The following CTNNA2 variants were observed in gnomAD, a reference collection of about 807,000 sequenced individuals.
CTNNA2 encodes the protein catenin alpha-2.
Under a neutral mutation model 101.0 loss-of-function variants are expected in CTNNA2, and 42 were observed. The ratio of observed to expected loss-of-function variants is 0.42; its 90% CI spans 0.32 to 0.54. The LOEUF (loss-of-function observed/expected upper bound fraction) is 0.54, where lower values mean the gene tolerates loss of function less well. Among genes scored for constraint, CTNNA2 ranks in the 20% least tolerant of loss-of-function variants. CTNNA2 has a pLI of 0.14. For synonymous variants in CTNNA2, 450 were observed against 456.4 expected (o/e 0.99, Z 0.18); for missense variants, 871 against 1,223.1 (o/e 0.71, Z 4.29).
chr2:79,621,268 A>G (rs1236538372), intron 1 of CTNNA2, among the ~76,000 whole-genome samples: 3 of 152,156 alleles, frequency 2.0e-5, no homozygotes, highest in African/African-American at 7.2e-5. Flanking sequence ...GAGCACCTCT[A>G]GCATCCAGAA....
At chr2:79,264,763 G>A (rs1674968604) in intron 2 of CTNNA2, among the ~76,000 whole-genome samples, 1 of 151,238 alleles carries the variant, frequency 6.6e-6, no homozygotes, top group South Asian at 2.1e-4. Context: ...AATATGTTGT[G>A]TTCTATAGTC....
At chr2:79,205,857 A>G (rs1440672822) in intron 2 of CTNNA2, among the ~76,000 whole-genome samples, 1 of 152,226 alleles carries the variant, frequency 6.6e-6, no homozygotes, top group Admixed American at 6.5e-5. Context: ...AATCATTTGA[A>G]GATGAAAACT....
At position 79,923,424 on chromosome 2, in the gene CTNNA2, A is replaced by G. The variant is rs1190530290; in HGVS notation, c.1056+13627A>G. Among the ~76,000 whole-genome samples, 3 of 151,724 alleles carry G rather than the reference A, an allele frequency of 2.0e-5. No homozygotes were observed. The East Asian group carries it at 5.8e-4, about 29-fold the overall frequency. On this transcript the variant is annotated intron_variant, in intron 7 of 18. Coordinates refer to ENST00000402739, the MANE Select transcript of CTNNA2 (RefSeq NM_001282597.3). Reference sequence around the variant, plus strand: ...CTTGCAATTTTGAGTAGGAGAGAAGATCTGGTGGTCTGCTTTTAATAATTA... The same window carrying G: ...CTTGCAATTTTGAGTAGGAGAGAAGGTCTGGTGGTCTGCTTTTAATAATTA...
chr2:79,244,054 C>G (rs1387841465), intron 2 of CTNNA2, among the ~76,000 whole-genome samples: 1 of 152,108 alleles, frequency 6.6e-6, no homozygotes, highest in Non-Finnish European at 1.5e-5. Context: ...GTTTTATGCC[C>G]TCTCCTAGCT....
intron 9 of CTNNA2, among the ~76,000 whole-genome samples, chr2:80,460,595 CCAGCTG>C (rs1398978527): frequency 1.3e-5 from 2 of 152,116 alleles, no homozygotes; most frequent in Admixed American, 1.3e-4. Context: ...TACCCTCACC[CCAGCTG>C]TCATTAGTTG....
chr2:79,489,208 A>G (rs1671186375), intron 4 of CTNNA2, among the ~76,000 whole-genome samples: 2 of 151,696 alleles, frequency 1.3e-5, no homozygotes, highest in African/African-American at 2.4e-5. Flanking sequence ...CCAGTTATTT[A>G]CTCATTATTT....
chr2:80,172,195 T>A (rs1214103423), intron 7 of CTNNA2, among the ~76,000 whole-genome samples: 1 of 152,200 alleles, frequency 6.6e-6, no homozygotes, highest in Non-Finnish European at 1.5e-5. Flanking sequence ...CCGTCACATG[T>A]GTTTTTTCAG....
intron 2 of CTNNA2, among the ~76,000 whole-genome samples, chr2:79,307,327 G>A (rs981426900): frequency 6.9e-6 from 1 of 145,706 alleles, no homozygotes; most frequent in African/African-American, 2.7e-5. Flanking sequence ...ATAGAGCACC[G>A]GAACTTACTC....
At position 80,406,039 on chromosome 2, in the gene CTNNA2, T is replaced by G. The variant is rs182923980; in HGVS notation, c.1137+12748T>G. 4.2e-3 allele frequency among the ~76,000 whole-genome samples: 646 copies of G among 152,294 alleles called. 1 individual carries two copies. The highest frequency in any genetic ancestry group is 0.015 in the African/African-American group (603 of 41,562). On this transcript the variant is annotated intron_variant, in intron 8 of 18. Coordinates refer to ENST00000402739, the MANE Select transcript of CTNNA2 (RefSeq NM_001282597.3). The stretch of plus-strand genomic sequence containing the variant: ...AGCTACACTATGAGTTGCAACTATC[T>G]AAAGGGAGTGACTGTAAAGCTAAAA...
intron 11 of CTNNA2, among the ~76,000 whole-genome samples, chr2:80,552,808 G>C (rs1012471977): frequency 6.6e-6 from 1 of 152,034 alleles, no homozygotes; most frequent in Non-Finnish European, 1.5e-5. Context: ...TTAAAAGTAC[G>C]GTAAAAATAT....
intron 4 of CTNNA2, among the ~76,000 whole-genome samples, chr2:79,439,330 T>C (rs1315266206): frequency 6.6e-6 from 1 of 152,206 alleles, no homozygotes; most frequent in Non-Finnish European, 1.5e-5. Flanking sequence ...GCTCCCATAT[T>C]GTATGATTTC....
intron 18 of CTNNA2, among the ~76,000 whole-genome samples, chr2:80,639,537 G>GTGTGTGTGTGTGTGTC (rs1176934289): frequency 6.6e-6 from 1 of 151,816 alleles, no homozygotes; most frequent in Non-Finnish European, 1.5e-5. Flanking sequence ...GTGTGTGTGT[G>GTGTGTGTGTGTGTGTC]TGTCTGTGTT....
intron 2 of CTNNA2, among the ~76,000 whole-genome samples, chr2:79,256,494 CTG>C (rs1272279468): frequency 2.0e-5 from 3 of 152,176 alleles, no homozygotes; most frequent in African/African-American, 7.2e-5. Context: ...CACAGTGAAG[CTG>C]TGTGATTACA....
chr2:79,831,950 TTTTC>T (rs1392031738), intron 3 of CTNNA2, among the ~76,000 whole-genome samples: 4 of 152,344 alleles, frequency 2.6e-5, no homozygotes, highest in African/African-American at 9.6e-5. Flanking sequence ...ACATTTCCAG[TTTTC>T]TTTAATAACC....
intron 4 of CTNNA2, among the ~76,000 whole-genome samples, chr2:79,467,089 A>G (rs1487753648): frequency 6.6e-6 from 1 of 152,240 alleles, no homozygotes; most frequent in Non-Finnish European, 1.5e-5. Flanking sequence ...GAGCTAAAGG[A>G]GGAATTTCAA....
chr2:80,436,647 G>A (rs924019989), intron 9 of CTNNA2, among the ~76,000 whole-genome samples: 2 of 152,134 alleles, frequency 1.3e-5, no homozygotes, highest in African/African-American at 4.8e-5. Flanking sequence ...CAGTTCCAGA[G>A]GCTGGGAGGT....
At chr2:79,639,897 T>G (rs1274131701) in intron 1 of CTNNA2, among the ~76,000 whole-genome samples, 1 of 151,980 alleles carries the variant, frequency 6.6e-6, no homozygotes, top group African/African-American at 2.4e-5. Context: ...ATCTCCTTCC[T>G]GCATCAGAAC....
At chr2:80,165,339 A>G (rs929218399) in intron 7 of CTNNA2, among the ~76,000 whole-genome samples, 2 of 147,122 alleles carry the variant, frequency 1.4e-5, no homozygotes, top group Non-Finnish European at 1.5e-5. Flanking sequence ...TCTTTCCTCC[A>G]TCTCTTCTAT....
At chr2:79,211,658 T>C (rs1469948784) in intron 2 of CTNNA2, among the ~76,000 whole-genome samples, 2 of 152,134 alleles carry the variant, frequency 1.3e-5, no homozygotes, top group Non-Finnish European at 2.9e-5. Context: ...ATTTCTTTTG[T>C]GGTGGAATGT....
Sources: gnomAD v4.1 joint callset for allele counts (sites outside exome capture counted in the v4.1 genomes callset) on GRCh38, gnomAD v4.1.1 for gene constraint, MANE v1.5 for transcripts, NCBI Gene and HGNC (gene_info 2026-07-23, HGNC 2026-07-21) for gene names.